Variants in QSOX1 observed in about 807,000 individuals in gnomAD.
QSOX1 encodes sulfhydryl oxidase 1.
QSOX1 carries 40 observed loss-of-function variants against 76.1 expected under a neutral mutation model. The ratio of observed to expected loss-of-function variants is 0.53; its 90% confidence interval spans 0.41 to 0.68. QSOX1 has a LOEUF of 0.68. Ranked by LOEUF, QSOX1 falls within the 30% of genes least tolerant of loss-of-function variation. The pLI is 0.00. For synonymous variants in QSOX1, 392 were observed against 413.1 expected, an observed-to-expected ratio of 0.95 and a Z score of 0.62; for missense variants, 931 against 974.3, an observed-to-expected ratio of 0.96 and a Z score of 0.59.
chr1:180,163,951 A>G (rs1259341716), intron 1 of QSOX1, among the ~76,000 whole-genome samples: 1 of 152,194 alleles, frequency 6.6e-6, no homozygotes, highest in Non-Finnish European at 1.5e-5. Context: ...AGCTCATGGG[A>G]CACGGAGGGT....
At chr1:180,169,581 G>C (rs1046383745) in intron 2 of QSOX1, among the ~76,000 whole-genome samples, 12 of 152,228 alleles carry the variant, frequency 7.9e-5, no homozygotes, top group South Asian at 2.1e-4. Flanking sequence ...CCATATGCAA[G>C]TGCCACCATG....
intron 1 of QSOX1, among the ~76,000 whole-genome samples, chr1:180,158,015 T>A (rs1662410575): frequency 6.6e-6 from 1 of 152,266 alleles, no homozygotes; most frequent in Non-Finnish European, 1.5e-5. Flanking sequence ...CACGCTTGCC[T>A]TATGCCAGCA....
At chr1:180,161,158 C>CTAAAA (rs914503701) in intron 1 of QSOX1, among the ~76,000 whole-genome samples, 7 of 152,088 alleles carry the variant, frequency 4.6e-5, no homozygotes, top group African/African-American at 1.2e-4. Flanking sequence ...AAGACTCCAT[C>CTAAAA]TAAAATAAAA....
At chr1:180,158,831 A>G (rs1662428139) in intron 1 of QSOX1, among the ~76,000 whole-genome samples, 1 of 152,134 alleles carries the variant, frequency 6.6e-6, no homozygotes, top group Non-Finnish European at 1.5e-5. Context: ...TTTCTTGTTA[A>G]GAGTTGTTTG....
chr1:180,156,951 T>C (rs549348605), intron 1 of QSOX1, among the ~76,000 whole-genome samples: 198 of 152,266 alleles, frequency 1.3e-3, no homozygotes, highest in African/African-American at 4.6e-3. Flanking sequence ...TTGAGAGTGC[T>C]GGGGGGAAAG....
At chr1:180,176,748 T>C (rs1662904440) in intron 4 of QSOX1, among the ~76,000 whole-genome samples, 2 of 152,194 alleles carry the variant, frequency 1.3e-5, no homozygotes, top group Non-Finnish European at 2.9e-5. Flanking sequence ...GGAGGACTCT[T>C]GCCAAGAAGG....
At chr1:180,190,700 A>G (rs894637998) in intron 10 of QSOX1, 120 bp downstream of exon 10, 1 of 1,272,760 alleles carries the variant, frequency 7.9e-7, no homozygotes, top group African/African-American at 1.5e-5. Context: ...CTGCCAGAAG[A>G]TGGGGAGAGT....
rs1274344033 is a variant in QSOX1, at chr1:180,199,183, C to T, written c.*2146C>T. The T allele has an allele frequency of 2.6e-5, 4 of 152,242 alleles. No homozygotes were observed. Among genetic ancestry groups the T allele is most frequent in the Non-Finnish European group, 5.9e-5 (4 of 68,066 alleles). The allele number at this position is 152,242 out of a possible 1,614,324, so 9.4% of individuals were successfully genotyped here. A position where few individuals can be genotyped will look rare whatever the true frequency, so the allele number is the denominator to read the frequency against. On this transcript the variant is annotated 3_prime_UTR_variant, in exon 12 of 12. Transcript: ENST00000367602. ...ATAAACGGGTGGGCCTCCTCAGCAG[C>T]GTGGCTGCCTTTCACCTTGATTTCC...
At chr1:180,185,911 C>T in intron 7 of QSOX1, 142 bp from the exon 8 acceptor site, 1 of 1,010,782 alleles carries the variant, frequency 9.9e-7, no homozygotes. Flanking sequence ...ACATTTCTGG[C>T]AGAAGCCAGT....
At chr1:180,194,476 G>A in intron 11 of QSOX1, 84 bp downstream of exon 11, 1 of 1,366,288 alleles carries the variant, frequency 7.3e-7, no homozygotes. Flanking sequence ...GCCAAAATTT[G>A]GGGAAGGGAC....
intron 1 of QSOX1, 21 bp downstream of exon 1, chr1:180,155,193 G>C (rs940255311): frequency 2.7e-6 from 4 of 1,468,222 alleles, no homozygotes; most frequent in African/African-American, 2.9e-5. Context: ...GGGGCGGCCC[G>C]CTCCCCCGTG....
At position 180,199,414 on chromosome 1, in the gene QSOX1, G is replaced by C. The variant is rs550494150; in HGVS notation, c.*2377G>C. 1.3e-5 allele frequency: 2 copies of C among 152,068 alleles called. No homozygotes were observed. The highest frequency in any genetic ancestry group is 2.4e-5 in the African/African-American group (1 of 41,400). The allele number at this position is 152,068 out of a possible 1,614,324, so 9.4% of individuals were successfully genotyped here. A position where few individuals can be genotyped will look rare whatever the true frequency, so the allele number is the denominator to read the frequency against. On this transcript the variant is annotated 3_prime_UTR_variant, in exon 12 of 12. Transcript: ENST00000367602. ...TGTCTGGGGCGGGATAGAGAATCTC[G>C]CCTCTGTCTGGTGTGTTACCTACTG...
chr1:180,184,494 C>CTATAGCA (rs1553274760), intron 7 of QSOX1, among the ~76,000 whole-genome samples: 1 of 151,412 alleles, frequency 6.6e-6, no homozygotes, highest in Non-Finnish European at 1.5e-5. Context: ...TGTGCAGACC[C>CTATAGCA]TACAGCATCC....
chr1:180,187,458 A>G (rs1195061157), intron 8 of QSOX1, among the ~76,000 whole-genome samples: 4 of 152,152 alleles, frequency 2.6e-5, no homozygotes, highest in African/African-American at 7.2e-5. Context: ...AGCACCCAGC[A>G]TGCTTTCCCG....
intron 7 of QSOX1, among the ~76,000 whole-genome samples, chr1:180,185,286 T>C (rs1288313058): frequency 6.6e-6 from 1 of 152,218 alleles, no homozygotes; most frequent in Non-Finnish European, 1.5e-5. Context: ...GAAAGTCAAC[T>C]GAGTTGCCCA....
intron 1 of QSOX1, among the ~76,000 whole-genome samples, chr1:180,165,321 C>G (rs1662588888): frequency 6.6e-6 from 1 of 152,238 alleles, no homozygotes; most frequent in Non-Finnish European, 1.5e-5. Flanking sequence ...TCCTCCTCCT[C>G]TCATCTGCTT....
intron 6 of QSOX1, among the ~76,000 whole-genome samples, chr1:180,182,835 T>G (rs1663074133): frequency 6.6e-6 from 1 of 152,248 alleles, no homozygotes. Flanking sequence ...AGATGGTGCC[T>G]TGGTGCCCTC....
intron 11 of QSOX1, among the ~76,000 whole-genome samples, chr1:180,195,483 TAGG>T (rs1261104665): frequency 6.6e-6 from 1 of 152,186 alleles, no homozygotes; most frequent in Non-Finnish European, 1.5e-5. Flanking sequence ...TTAAAACCTT[TAGG>T]AGAAGTGCTT....
At chr1:180,183,366 A>C in intron 6 of QSOX1, among the ~76,000 whole-genome samples, 1 of 64,314 alleles carries the variant, frequency 1.6e-5, no homozygotes, top group African/African-American at 5.5e-5. Flanking sequence ...GTCGGAAAAA[A>C]GAAAGAAACC....
Sources: gnomAD v4.1 joint callset for allele counts (sites outside exome capture counted in the v4.1 genomes callset) on GRCh38, gnomAD v4.1.1 for gene constraint, MANE v1.5 for transcripts, NCBI Gene and HGNC (gene_info 2026-07-23, HGNC 2026-07-21) for gene names.